GPR107: variants seen among roughly 807,000 people sequenced by gnomAD.
GPR107 encodes the protein protein GPR107.
GPR107 carries 31 observed loss-of-function variants against 75.5 expected under a neutral mutation model. The observed-to-expected ratio is 0.41, with a 90% CI of 0.31 to 0.55. GPR107 has a LOEUF of 0.55. Ranked by LOEUF, GPR107 falls within the 20% of genes least tolerant of loss-of-function variation. The probability of loss-of-function intolerance (pLI) is 0.26; values close to 1 mark genes in which losing one functional copy is unlikely to be tolerated. For synonymous variants in GPR107, 267 were observed against 251.3 expected (o/e 1.06, Z -0.59); for missense variants, 572 against 665.7 (o/e 0.86, Z 1.55).
At chr9:130,084,646 T>C (rs1830573314) in intron 6 of GPR107, among the ~76,000 whole-genome samples, 1 of 151,908 alleles carries the variant, frequency 6.6e-6, no homozygotes, top group Non-Finnish European at 1.5e-5. Flanking sequence ...CATGGTGGTA[T>C]GCGCCTGTGG....
At chr9:130,108,742 C>T (rs570014669) in intron 14 of GPR107, 15 of 455,874 alleles carry the variant, frequency 3.3e-5, no homozygotes, top group South Asian at 1.2e-4. Context: ...GCCCTTCTCC[C>T]GTTTTCTCAT....
intron 15 of GPR107, among the ~76,000 whole-genome samples, chr9:130,125,624 C>T (rs1455657805): frequency 6.8e-5 from 8 of 117,454 alleles, no homozygotes; most frequent in Non-Finnish European, 1.2e-4. Flanking sequence ...TTTTTTGAGA[C>T]GGAGTCTCGC....
At chr9:130,102,886 C>T (rs372294944) in intron 12 of GPR107, among the ~76,000 whole-genome samples, 33 of 152,242 alleles carry the variant, frequency 2.2e-4, no homozygotes, top group East Asian at 1.9e-3. Flanking sequence ...TGGGCTCAGG[C>T]GATCCTCCTG....
chr9:130,073,737 TTTTTGTTTG>T (rs1180689636), intron 1 of GPR107, among the ~76,000 whole-genome samples: 1 of 151,992 alleles, frequency 6.6e-6, no homozygotes, highest in African/African-American at 2.4e-5. Flanking sequence ...AGGCCTGGGT[TTTTTGTTTG>T]TTTTGTTTGT....
At chr9:130,132,141 G>C (rs1274805436) in intron 17 of GPR107, among the ~76,000 whole-genome samples, 5 of 151,458 alleles carry the variant, frequency 3.3e-5, no homozygotes, top group African/African-American at 1.2e-4. Context: ...CGCCTCAGCC[G>C]CCCAAAGTGC....
chr9:130,133,930 G>A (rs782567478), intron 17 of GPR107, among the ~76,000 whole-genome samples: 1 of 152,146 alleles, frequency 6.6e-6, no homozygotes, highest in Non-Finnish European at 1.5e-5. Flanking sequence ...TACTTACCAT[G>A]AGGTCCAGCT....
At chr9:130,134,435 A>G (rs1215940632) in intron 17 of GPR107, among the ~76,000 whole-genome samples, 1 of 152,242 alleles carries the variant, frequency 6.6e-6, no homozygotes, top group Non-Finnish European at 1.5e-5. Flanking sequence ...GGGAGCTCAC[A>G]GAGTGGAGGC....
At chr9:130,079,051 C>T (rs1479545765) in intron 4 of GPR107, among the ~76,000 whole-genome samples, 1 of 152,202 alleles carries the variant, frequency 6.6e-6, no homozygotes, top group Non-Finnish European at 1.5e-5. Flanking sequence ...CTCCACCTCC[C>T]AGGTTCAAGC....
intron 1 of GPR107, among the ~76,000 whole-genome samples, chr9:130,064,202 T>G (rs1483335014): frequency 1.4e-5 from 1 of 72,994 alleles, no homozygotes; most frequent in African/African-American, 4.8e-5. Flanking sequence ...TTTTTTTTTT[T>G]TTTTTTGAGA....
intron 1 of GPR107, among the ~76,000 whole-genome samples, chr9:130,069,519 C>T (rs1420868356): frequency 6.6e-6 from 1 of 152,188 alleles, no homozygotes; most frequent in Non-Finnish European, 1.5e-5. Context: ...GTACTTTCTT[C>T]AGTCTCAAGA....
At chr9:130,091,387 G>A (rs532493765) in intron 8 of GPR107, among the ~76,000 whole-genome samples, 1 of 152,108 alleles carries the variant, frequency 6.6e-6, no homozygotes, top group South Asian at 2.1e-4. Flanking sequence ...CTACTCAGGT[G>A]GGAGGATTTC....
intron 4 of GPR107, among the ~76,000 whole-genome samples, chr9:130,078,211 T>G (rs570069986): frequency 6.6e-6 from 1 of 152,104 alleles, no homozygotes; most frequent in South Asian, 2.1e-4. Context: ...TCAGACTTTG[T>G]GTTTTCAAGT....
intron 1 of GPR107, among the ~76,000 whole-genome samples, chr9:130,070,479 T>C (rs1031060759): frequency 3.9e-5 from 6 of 152,096 alleles, no homozygotes; most frequent in East Asian, 3.9e-4. Flanking sequence ...ACTTTTTGTA[T>C]TTTTTGTAGA....
chr9:130,135,258 G>T lies in GPR107; in HGVS notation c.*137G>T. ...CACCAGGGCACATGGCTGGAGCACA[G>T]TGCCGCGGAAACCTGATTTTGTACT... On this transcript the variant is annotated 3_prime_UTR_variant, in exon 18 of 18. Coordinates refer to ENST00000347136, the MANE Select transcript of GPR107 (RefSeq NM_020960.5). The T allele has an allele frequency of 1.8e-6, 1 of 566,050 alleles. No individual in the cohort carries two copies. Among genetic ancestry groups the T allele is most frequent in the South Asian group, 2.3e-5 (1 of 44,352 alleles). 35.1% of individuals were successfully genotyped at this position (566,050 alleles called of 1,614,324 possible). A position where few individuals can be genotyped will look rare whatever the true frequency, so the allele number is the denominator to read the frequency against.
At chr9:130,114,832 A>G (rs1000306943) in intron 14 of GPR107, among the ~76,000 whole-genome samples, 1 of 152,236 alleles carries the variant, frequency 6.6e-6, no homozygotes, top group African/African-American at 2.4e-5. Flanking sequence ...TGAGTCTCTC[A>G]TGGACATGGG....
At chr9:130,076,554 T>C in intron 3 of GPR107, 92 bp downstream of exon 3, 1 of 836,886 alleles carries the variant, frequency 1.2e-6, no homozygotes, top group African/African-American at 1.7e-5. Flanking sequence ...CCATTTTCAT[T>C]TTTTTTTTGG....
chr9:130,100,649 C>T lies in GPR107; in HGVS notation c.960C>T (p.Ser320=), dbSNP rs1369461553. 6 of 1,612,572 alleles carry T rather than the reference C, an allele frequency of 3.7e-6. No individual in the cohort carries two copies. In the South Asian group the frequency reaches 5.5e-5, roughly 15 times the overall value. ...TTCAGATTGACTACCACTACATCTC[C>T]TCCCAGGGCTTCCCTATCGAAGGCT... The part of the protein sequence containing the change: ...VFHAIDYHYI[S]SQGFPIEGWA... The change falls in exon 11 of 18, where the codon TCC becomes TCT. Residue 320 remains serine, a synonymous_variant. Transcript: ENST00000347136.
intron 1 of GPR107, among the ~76,000 whole-genome samples, chr9:130,065,963 G>A (rs1830058772): frequency 8.4e-6 from 1 of 119,750 alleles, no homozygotes; most frequent in Non-Finnish European, 1.8e-5. Context: ...AGGGAGGGAT[G>A]CATTTATTCA....
chr9:130,132,991 C>G (rs1181487385), intron 17 of GPR107: 2 of 152,094 alleles, frequency 1.3e-5, no homozygotes, highest in African/African-American at 2.4e-5. Context: ...GCCAGATCCT[C>G]TGCATCTCAT....
Sources: allele counts gnomAD v4.1 joint callset (sites outside exome capture counted in the v4.1 genomes callset), GRCh38; gene constraint gnomAD v4.1.1; transcripts MANE v1.5; gene names NCBI Gene and HGNC (gene_info 2026-07-23, HGNC 2026-07-21).